Variants in KCNH7 observed in about 807,000 individuals in gnomAD.
The protein encoded by KCNH7 is voltage-gated inwardly rectifying potassium channel KCNH7.
KCNH7 carries 49 observed loss-of-function variants against 120.8 expected under a neutral mutation model. The observed-to-expected ratio is 0.41, with a 90% CI of 0.32 to 0.51. KCNH7 has a LOEUF of 0.51. Ranked by LOEUF, KCNH7 falls within the 20% of genes least tolerant of loss-of-function variation. The pLI, the probability that KCNH7 is intolerant of heterozygous loss-of-function variation, is 0.38. For synonymous variants in KCNH7, 547 were observed against 516.1 expected (o/e 1.06, Z -0.81); for missense variants, 1,097 against 1,446.6 (o/e 0.76, Z 3.92).
rs183317412 is a variant in KCNH7 at position 162,744,137 on chromosome 2, A to C, written c.307+92400T>G. Among the ~76,000 whole-genome samples, 72 of 152,282 alleles carry C rather than the reference A, an allele frequency of 4.7e-4. 1 individual carries two copies. Among genetic ancestry groups the C allele is most frequent in the African/African-American group, 1.6e-3 (66 of 41,560 alleles). ...AATAGGAAATAAATCATCCTTGCAAAAATATCCATTTGTCAGATTATGGAA... is the reference window on the plus strand; with the variant it reads ...AATAGGAAATAAATCATCCTTGCAACAATATCCATTTGTCAGATTATGGAA... On this transcript the variant is annotated intron_variant, in intron 2 of 15. Transcript: ENST00000332142.
At chr2:162,529,393 A>G (rs1317287710) in intron 3 of KCNH7, among the ~76,000 whole-genome samples, 1 of 151,946 alleles carries the variant, frequency 6.6e-6, no homozygotes, top group Non-Finnish European at 1.5e-5. Flanking sequence ...AAGGGAATCC[A>G]ATTTAAGTAC....
intron 12 of KCNH7, 58 bp downstream of exon 12, chr2:162,394,331 G>T: frequency 1.0e-6 from 1 of 977,544 alleles, no homozygotes; most frequent in South Asian, 1.3e-5. Context: ...GAACATTTAA[G>T]TAAGAAGGCT....
At chr2:162,706,717 G>A (rs1468081306) in intron 2 of KCNH7, among the ~76,000 whole-genome samples, 4 of 152,020 alleles carry the variant, frequency 2.6e-5, no homozygotes, top group Non-Finnish European at 5.9e-5. Flanking sequence ...TTCACCCACA[G>A]GGCAGTCATG....
intron 2 of KCNH7, among the ~76,000 whole-genome samples, chr2:162,674,373 T>A (rs1331048499): frequency 6.6e-6 from 1 of 151,766 alleles, no homozygotes; most frequent in African/African-American, 2.4e-5. Context: ...TGGAACAATA[T>A]CCACATTCCT....
At chr2:162,692,228 C>T (rs1358080063) in intron 2 of KCNH7, among the ~76,000 whole-genome samples, 1 of 151,150 alleles carries the variant, frequency 6.6e-6, no homozygotes, top group African/African-American at 2.4e-5. Flanking sequence ...TGGGTTCAAG[C>T]AATTCTTGTG....
chr2:162,525,514 G>C (rs937197663), intron 3 of KCNH7, among the ~76,000 whole-genome samples: 1 of 151,894 alleles, frequency 6.6e-6, no homozygotes, highest in African/African-American at 2.4e-5. Flanking sequence ...AGAGGGGATT[G>C]GGAATGAAAG....
At chr2:162,781,545 T>C (rs1057359789) in intron 2 of KCNH7, among the ~76,000 whole-genome samples, 83 of 152,074 alleles carry the variant, frequency 5.5e-4, no homozygotes, top group African/African-American at 1.9e-3. Flanking sequence ...AAAAATTAGA[T>C]TGAAAGTTGA....
rs185329424 is a variant in KCNH7, at chr2:162,759,020, C to T, written c.307+77517G>A. Among the ~76,000 whole-genome samples the T allele has an allele frequency of 2.0e-5, 3 of 151,904 alleles. No individual in the cohort carries two copies. The East Asian group carries it at 5.8e-4, about 30-fold the overall frequency. On this transcript the variant is annotated intron_variant, in intron 2 of 15. Transcript: ENST00000332142. ...TGAAAATTCCTTGTTAAAGAATGACCTGAGAAATTTTTGACTCCTCATGAA... is the reference window on the plus strand; with the variant it reads ...TGAAAATTCCTTGTTAAAGAATGACTTGAGAAATTTTTGACTCCTCATGAA...
intron 3 of KCNH7, among the ~76,000 whole-genome samples, chr2:162,525,006 C>T (rs1302579297): frequency 6.6e-6 from 1 of 151,812 alleles, no homozygotes; most frequent in Admixed American, 6.6e-5. Flanking sequence ...ACAAATGGGC[C>T]ACTGTAGCCA....
At chr2:162,769,208 G>A (rs902958) in intron 2 of KCNH7, among the ~76,000 whole-genome samples, 4,610 of 151,818 alleles carry the variant, frequency 0.03, 226 homozygotes, top group African/African-American at 0.1. Context: ...ACAGACCTCC[G>A]CTCTCTTGCG....
At chr2:162,774,098 C>T (rs911508569) in intron 2 of KCNH7, among the ~76,000 whole-genome samples, 4 of 151,984 alleles carry the variant, frequency 2.6e-5, no homozygotes, top group African/African-American at 4.8e-5. Context: ...AAGGGATATA[C>T]CATGAAATAC....
intron 2 of KCNH7, among the ~76,000 whole-genome samples, chr2:162,573,012 C>G (rs1337236535): frequency 6.6e-6 from 1 of 151,962 alleles, no homozygotes; most frequent in Non-Finnish European, 1.5e-5. Flanking sequence ...CTAACCTGCA[C>G]ATTGTGCTCA....
At chr2:162,408,819 A>G (rs1176359859) in intron 9 of KCNH7, among the ~76,000 whole-genome samples, 1 of 151,968 alleles carries the variant, frequency 6.6e-6, no homozygotes, top group Non-Finnish European at 1.5e-5. Flanking sequence ...AGGAAAAACA[A>G]TTAAAAAGTA....
chr2:162,775,929 G>A (rs1252690621), intron 2 of KCNH7, among the ~76,000 whole-genome samples: 2 of 152,152 alleles, frequency 1.3e-5, no homozygotes, highest in East Asian at 1.9e-4. Context: ...GTAAACTTGG[G>A]CAAGTTATTT....
chr2:162,581,322 T>C (rs555120397), intron 2 of KCNH7, among the ~76,000 whole-genome samples: 148 of 152,216 alleles, frequency 9.7e-4, no homozygotes, highest in Non-Finnish European at 1.6e-3. Context: ...TATCCGTAAG[T>C]GATGGAACAA....
At chr2:162,632,634 G>A (rs1683814416) in intron 2 of KCNH7, among the ~76,000 whole-genome samples, 2 of 151,726 alleles carry the variant, frequency 1.3e-5, no homozygotes, top group Non-Finnish European at 1.5e-5. Flanking sequence ...GAGGTTGGCT[G>A]AGGATTCCAT....
At chr2:162,489,658 A>G (rs76297097) in intron 6 of KCNH7, among the ~76,000 whole-genome samples, 4,173 of 152,320 alleles carry the variant, frequency 0.027, 187 homozygotes, top group African/African-American at 0.095. Context: ...TATATTTAGC[A>G]AACAATGACA....
At chr2:162,673,053 T>G (rs1005360378) in intron 2 of KCNH7, among the ~76,000 whole-genome samples, 3 of 152,036 alleles carry the variant, frequency 2.0e-5, no homozygotes, top group East Asian at 3.9e-4. Flanking sequence ...TATCAATACT[T>G]TATAATAGTT....
intron 2 of KCNH7, among the ~76,000 whole-genome samples, chr2:162,728,985 G>T (rs1487296689): frequency 1.3e-5 from 2 of 151,732 alleles, no homozygotes; most frequent in Admixed American, 1.3e-4. Context: ...TGTGAAGTAA[G>T]GTTCAAGTTT....
Sources: allele counts gnomAD v4.1 joint callset (sites outside exome capture counted in the v4.1 genomes callset), GRCh38; gene constraint gnomAD v4.1.1; transcripts MANE v1.5; gene names NCBI Gene and HGNC (gene_info 2026-07-23, HGNC 2026-07-21).